The following EXOC4 variants were observed in gnomAD, a reference collection of about 807,000 sequenced individuals.
The protein encoded by EXOC4 is exocyst complex component 4, also known as SEC8-like 1.
In EXOC4, 71 loss-of-function variants were observed where a neutral mutation model predicts 107.2. The observed-to-expected ratio is 0.66, with a 90% CI of 0.55 to 0.81. EXOC4 has a LOEUF of 0.81. EXOC4 is among the 30% of genes least tolerant of loss of function. The probability of loss-of-function intolerance (pLI) is 0.00; values close to 1 mark genes in which losing one functional copy is unlikely to be tolerated. For missense variants in EXOC4, 1,108 were observed against 1,189.6 expected (o/e 0.93, Z 1.01); for synonymous variants, 456 against 441.2 (o/e 1.03, Z -0.42).
chr7:133,937,469 T>A (rs931943354), intron 13 of EXOC4, among the ~76,000 whole-genome samples: 1 of 152,188 alleles, frequency 6.6e-6, no homozygotes. Flanking sequence ...ATTTTCTAGG[T>A]GCCAGATTAA....
At chr7:133,264,022 A>G (rs1793652076) in intron 1 of EXOC4, among the ~76,000 whole-genome samples, 1 of 152,204 alleles carries the variant, frequency 6.6e-6, no homozygotes, top group Admixed American at 6.5e-5. Context: ...CCAGAAAAGA[A>G]GATCACTGTG....
chr7:134,050,597 G>C (rs1367952460), intron 17 of EXOC4, among the ~76,000 whole-genome samples: 1 of 152,192 alleles, frequency 6.6e-6, no homozygotes, highest in Non-Finnish European at 1.5e-5. Flanking sequence ...ATAGAGGGTA[G>C]AGGATTTAGC....
At chr7:133,253,461 A>G (rs1794940870) in intron 1 of EXOC4, 10 of 1,188,284 alleles carry the variant, frequency 8.4e-6, no homozygotes, top group Non-Finnish European at 8.4e-6. Context: ...AAAGCACGCT[A>G]TTTGGGTTTG....
At chr7:133,661,733 A>G (rs1336952390) in intron 10 of EXOC4, among the ~76,000 whole-genome samples, 8 of 147,452 alleles carry the variant, frequency 5.4e-5, no homozygotes, top group Non-Finnish European at 8.9e-5. Context: ...CAGACTCTGT[A>G]TTTTAAAATA....
chr7:133,657,708 G>T (rs17659136), intron 10 of EXOC4, among the ~76,000 whole-genome samples: 2,370 of 152,250 alleles, frequency 0.016, 30 homozygotes, highest in Non-Finnish European at 0.026. Context: ...TCTTGTAATG[G>T]TATGCATGGT....
At chr7:133,497,415 A>G (rs756991834) in intron 9 of EXOC4, among the ~76,000 whole-genome samples, 1 of 146,874 alleles carries the variant, frequency 6.8e-6, no homozygotes, top group African/African-American at 2.5e-5. Context: ...ATTTATTCCA[A>G]CTCTCTGTCA....
At chr7:133,399,176 A>T (rs1340569742) in intron 7 of EXOC4, among the ~76,000 whole-genome samples, 1 of 152,258 alleles carries the variant, frequency 6.6e-6, no homozygotes, top group African/African-American at 2.4e-5. Flanking sequence ...AAAGGTAAAC[A>T]TTCTTAAATA....
intron 14 of EXOC4, among the ~76,000 whole-genome samples, chr7:133,979,418 G>A (rs1793919391): frequency 6.6e-6 from 1 of 152,144 alleles, no homozygotes; most frequent in Non-Finnish European, 1.5e-5. Context: ...CCCTGTTTGA[G>A]TAAGGCAGAC....
chr7:133,433,736 G>T (rs1584913983), intron 7 of EXOC4, among the ~76,000 whole-genome samples: 1 of 152,154 alleles, frequency 6.6e-6, no homozygotes, highest in African/African-American at 2.4e-5. Context: ...TTGTTCAATG[G>T]CACCTATTTT....
chr7:133,317,443 G>C, intron 5 of EXOC4, 53 bp downstream of exon 5: 1 of 1,285,052 alleles, frequency 7.8e-7, no homozygotes, highest in Non-Finnish European at 1.1e-6. Context: ...TTAGTTCCTA[G>C]GTAGATATCT....
At chr7:134,010,422 A>G (rs1794736569) in intron 17 of EXOC4, 1 of 152,078 alleles carries the variant, frequency 6.6e-6, no homozygotes, top group South Asian at 2.1e-4. Flanking sequence ...TTGTAGCCCT[A>G]CTACTCATAG....
At chr7:133,925,937 G>A (rs1800040481) in intron 13 of EXOC4, among the ~76,000 whole-genome samples, 1 of 151,582 alleles carries the variant, frequency 6.6e-6, no homozygotes, top group Admixed American at 6.6e-5. Context: ...TACTCAGGAG[G>A]CTGAGGCAGG....
At chr7:133,820,072 A>G (rs960777534) in intron 11 of EXOC4, among the ~76,000 whole-genome samples, 2 of 151,542 alleles carry the variant, frequency 1.3e-5, no homozygotes, top group African/African-American at 2.4e-5. Context: ...ATAATTATAT[A>G]TAAGTGAATA....
intron 10 of EXOC4, among the ~76,000 whole-genome samples, chr7:133,661,834 A>G (rs750921531): frequency 1.3e-5 from 2 of 152,110 alleles, no homozygotes; most frequent in African/African-American, 2.4e-5. Context: ...AAGCATATAT[A>G]GTCCTATAAA....
At chr7:133,725,281 G>A (rs1036665141) in intron 10 of EXOC4, among the ~76,000 whole-genome samples, 14 of 152,286 alleles carry the variant, frequency 9.2e-5, no homozygotes, top group African/African-American at 3.4e-4. Context: ...GCAAAAGCAG[G>A]GAGAAGCCTT....
intron 14 of EXOC4, among the ~76,000 whole-genome samples, chr7:133,980,395 A>G (rs1207212224): frequency 2.6e-5 from 4 of 152,242 alleles, no homozygotes; most frequent in African/African-American, 7.2e-5. Context: ...AGGTTGTTCT[A>G]AATGCTTCAT....
intron 9 of EXOC4, among the ~76,000 whole-genome samples, chr7:133,486,822 A>T (rs900411018): frequency 1.3e-5 from 2 of 152,082 alleles, no homozygotes; most frequent in South Asian, 4.1e-4. Context: ...TCTTATAATA[A>T]AGTTATAATA....
In EXOC4 at chr7:134,019,446, T is replaced by TGAC. The variant is rs1300829908; in HGVS notation, c.2687+11612_2687+11614dup. ...ATGATGATGATGATGATGATGATGA[T>TGAC]GACATATTCCAAGTATAATATGAGT... On this transcript the variant is annotated intron_variant, in intron 17 of 17. Coordinates refer to ENST00000253861, the MANE Select transcript of EXOC4 (RefSeq NM_021807.4). 7.1e-4 allele frequency among the ~76,000 whole-genome samples: 107 copies of TGAC among 150,932 alleles called. 1 individual carries two copies. The highest frequency in any genetic ancestry group is 2.5e-3 in the African/African-American group (103 of 40,942).
chr7:133,599,032 A>G (rs532773771), intron 9 of EXOC4, among the ~76,000 whole-genome samples: 31 of 152,208 alleles, frequency 2.0e-4, no homozygotes, highest in Admixed American at 1.8e-3. Flanking sequence ...TAAAATGCAA[A>G]CTGGATTTCA....
Sources: gnomAD v4.1 joint callset for allele counts (sites outside exome capture counted in the v4.1 genomes callset) on GRCh38, gnomAD v4.1.1 for gene constraint, MANE v1.5 for transcripts, NCBI Gene and HGNC (gene_info 2026-07-23, HGNC 2026-07-21) for gene names.